Variants in TNXB observed in about 807,000 individuals in gnomAD.
TNXB encodes the protein tenascin XB.
In TNXB, 183 loss-of-function variants were observed where a neutral mutation model predicts 340.5. That is an observed-to-expected ratio of 0.54 (90% CI 0.48 to 0.61). TNXB has a LOEUF of 0.61. Ranked by LOEUF, TNXB falls within the 20% of genes least tolerant of loss-of-function variation. The pLI is 0.00. For missense variants in TNXB, 4,613 were observed against 5,446.4 expected, an observed-to-expected ratio of 0.85 and a Z score of 4.82; for synonymous variants, 2,121 against 2,314.5, an observed-to-expected ratio of 0.92 and a Z score of 2.40.
chr6:32,047,677 C>T lies in TNXB; in HGVS notation c.10324+57G>A. Reference sequence around the variant, plus strand: ...TCACGGGAAGGCTGCAGGGCCAGCTCTGAGGGCTCGGATGAGAGGCAGCTC... The same window carrying T: ...TCACGGGAAGGCTGCAGGGCCAGCTTTGAGGGCTCGGATGAGAGGCAGCTC... On this transcript the variant is annotated intron_variant, in intron 30 of 43. Transcript: ENST00000644971. The surrounding 1 kb of genome is among the most constrained non-coding windows in gnomAD (Gnocchi z 6.2). 1 of 1,525,590 alleles carries T rather than the reference C, an allele frequency of 6.6e-7. No individual in the cohort carries two copies. The highest frequency in any genetic ancestry group is 1.3e-5 in the South Asian group (1 of 76,656). The allele number at this position is 1,525,590 out of a possible 1,614,324, so 94.5% of individuals were successfully genotyped here.
intron 1 of TNXB, 133 bp from the exon 2 acceptor site, chr6:32,098,339 C>T: frequency 1.4e-6 from 1 of 711,008 alleles, no homozygotes; most frequent in Non-Finnish European, 2.1e-6. Flanking sequence ...TAAAAATTCA[C>T]ATTCCGCCCA....
intron 23 of TNXB, among the ~76,000 whole-genome samples, 186 bp from the exon 24 acceptor site, chr6:32,056,360 G>T (rs1221134121): frequency 6.6e-6 from 1 of 152,148 alleles, no homozygotes; most frequent in Non-Finnish European, 1.5e-5. Flanking sequence ...AGGGTCAGCT[G>T]TGGGGGACCT....
intron 6 of TNXB, among the ~76,000 whole-genome samples, chr6:32,088,107 C>T (rs994813773): frequency 2.0e-5 from 3 of 152,158 alleles, no homozygotes; most frequent in Non-Finnish European, 4.4e-5. Flanking sequence ...CTTCCCTGTG[C>T]CCCAGCCCCA....
chr6:32,108,252 C>T lies in TNXB; in HGVS notation c.-9+929G>A, dbSNP rs1279484795. On this transcript the variant is annotated intron_variant, in intron 1 of 43. Transcript: ENST00000644971. The surrounding 1 kb of genome is among the most constrained non-coding windows in gnomAD (Gnocchi z 4.8). The stretch of plus-strand genomic sequence containing the variant: ...GTTTCCGAGTTGCTTCCCAGTAGTT[C>T]CTCTCAGTTCCACTTCCAGTTGTTT... Among the ~76,000 whole-genome samples the T allele has an allele frequency of 6.6e-6, 1 of 152,128 alleles. No individual in the cohort carries two copies. Among genetic ancestry groups the T allele is most frequent in the Non-Finnish European group, 1.5e-5 (1 of 68,012 alleles).
chr6:32,046,414 G>A lies in TNXB; in HGVS notation c.10367C>T (p.Thr3456Ile). The A allele has an allele frequency of 6.3e-7, 1 of 1,580,058 alleles. No homozygotes were observed. Among genetic ancestry groups the A allele is most frequent in the Admixed American group, 1.7e-5 (1 of 59,508 alleles). ...AGAGCTGGAGGTCTCCTCAGCCACG[G>A]TCAGTTCCCCCAGGTGGGGAGGTAG... is the stretch of plus-strand genomic sequence containing the variant. ...KELPPHLGEL[T>I]VAEETSSSLR... is the part of the protein sequence containing the mutation. The change falls in exon 31 of 44, where the codon ACC (threonine) becomes ATC (isoleucine). Residue 3456 changes from threonine (T) to isoleucine (I), a missense_variant. Transcript: ENST00000644971. The surrounding 1 kb of genome is among the most constrained non-coding windows in gnomAD (Gnocchi z 6.9).
intron 1 of TNXB, among the ~76,000 whole-genome samples, chr6:32,106,905 C>G (rs1343616482): frequency 6.6e-6 from 1 of 152,252 alleles, no homozygotes; most frequent in African/African-American, 2.4e-5. Context: ...TGCTCATCCA[C>G]AAGTACAAAC....
Position 32,096,392 on chromosome 6 carries a change from G to A in TNXB, c.1461C>T (p.Tyr487=). Residue 487 remains tyrosine (Y), a synonymous_variant, in exon 3 of 44, where the codon TAC becomes TAT. Transcript: ENST00000644971. ...ESGRCMCWPG[Y]TGRDCGTRAC... is the part of the protein sequence containing the mutation. ...CGCGCGTGCCGCAGTCCCGGCCTGT[G>A]TACCCCGGCCAACACATGCAGCGGC... 1 of 1,573,628 alleles carries A rather than the reference G, an allele frequency of 6.4e-7. No individual in the cohort carries two copies. The highest frequency in any genetic ancestry group is 8.6e-7 in the Non-Finnish European group (1 of 1,167,432).
rs1044467622 is a variant in TNXB, at chr6:32,054,527, T to A, written c.8468-816A>T. On this transcript the variant is annotated intron_variant, in intron 24 of 43. Transcript: ENST00000644971. ...TGGCCTTTGCACTAGCTGTGATGAT[T>A]TGACATGCTTCACTTCCTCTCCAAA... 5.4e-4 allele frequency among the ~76,000 whole-genome samples: 83 copies of A among 152,326 alleles called. 1 individual carries two copies. Among genetic ancestry groups the A allele is most frequent in the African/African-American group, 2.0e-3 (83 of 41,568 alleles).
At chr6:32,065,244 A>C in intron 18 of TNXB, 127 bp from the exon 19 acceptor site, 2 of 856,954 alleles carry the variant, frequency 2.3e-6, no homozygotes, top group South Asian at 2.0e-5. Flanking sequence ...TCTGATTATA[A>C]TCATAATCAG....
rs757535646 is a variant in TNXB at position 32,084,532 on chromosome 6, T to C, written c.3326A>G (p.Glu1109Gly). ...RDGQPQVVPV[E>G]GPQRSAVITS... ...GATGACGGCCGAGCGCTGGGGTCCT[T>C]CCACGGGCACCACCTGGGGCTGCCC... Residue 1109 changes from glutamate to glycine, a missense_variant, in exon 8 of 44, where the codon GAA (glutamate) becomes GGA (glycine). This residue lies in a region of TNXB where 4,327 missense variants were observed against 4,859.4 expected (regional missense o/e 0.89). Transcript: ENST00000644971. This position sits in a 1 kb window ranked among gnomAD's most constrained non-coding sequence, Gnocchi z 5.5. 1.6e-5 allele frequency: 25 copies of C among 1,608,798 alleles called. 1 individual carries two copies. The highest frequency in any genetic ancestry group is 3.3e-4 in the Middle Eastern group (2 of 6,078).
Position 32,052,759 on chromosome 6 carries a change from C to A in TNXB, c.9026G>T (p.Gly3009Val). The change falls in exon 26 of 44, where the codon GGC becomes GTC. Residue 3009 changes from glycine (G) to valine (V), a missense_variant. Coordinates refer to ENST00000644971, the MANE Select transcript of TNXB (RefSeq NM_001365276.2). This position sits in a 1 kb window ranked among gnomAD's most constrained non-coding sequence, Gnocchi z 4.7. ...CTTGTATTTGCACCCGGGCTCCAGG[C>A]CCCCCACGGTGACCTCGCTCTCCTC... The part of the protein sequence containing the change: ...RGEESEVTVG[G>V]LEPGCKYKMH... 2 of 1,613,800 alleles carry A rather than the reference C, an allele frequency of 1.2e-6. No individual in the cohort carries two copies. Among genetic ancestry groups the A allele is most frequent in the Non-Finnish European group, 1.7e-6 (2 of 1,179,868 alleles).
intron 18 of TNXB, among the ~76,000 whole-genome samples, chr6:32,066,639 T>C (rs1778354165): frequency 6.6e-6 from 1 of 152,194 alleles, no homozygotes; most frequent in Non-Finnish European, 1.5e-5. Flanking sequence ...AGATTTCTTT[T>C]GGGGGTGATG....
At position 32,097,459 on chromosome 6, in the gene TNXB, G is replaced by A; in HGVS notation, c.404-10C>T. On this transcript the variant is annotated splice_polypyrimidine_tract_variant and intron_variant, in intron 2 of 43. Transcript: ENST00000644971. This position sits in a 1 kb window ranked among gnomAD's most constrained non-coding sequence, Gnocchi z 5.9. ...CGCACATCTGTCTGACCTGGAGTAG[G>A]AGGGGAGAGGCAAGTCTCAGTCTCT... The A allele has an allele frequency of 1.3e-6, 2 of 1,581,830 alleles. No homozygotes were observed. The highest frequency in any genetic ancestry group is 1.7e-6 in the Non-Finnish European group (2 of 1,166,614).
chr6:32,046,618 G>A lies in TNXB; in HGVS notation c.10325-162C>T. 1.7e-6 allele frequency: 1 copy of A among 575,482 alleles called. No individual in the cohort carries two copies. 35.6% of individuals were successfully genotyped at this position (575,482 alleles called of 1,614,324 possible). On this transcript the variant is annotated intron_variant, in intron 30 of 43. Transcript: ENST00000644971. The surrounding 1 kb of genome is among the most constrained non-coding windows in gnomAD (Gnocchi z 6.9). ...AGGCCTGCTCCCGCCATGCCCCACA[G>A]GAATGAGGGAGAACAGCCCCCTCCT...
rs1424192521 is a variant in TNXB, at chr6:32,085,136, G to C, written c.3149-427C>G. Among the ~76,000 whole-genome samples the C allele has an allele frequency of 6.6e-6, 1 of 152,098 alleles. No individual in the cohort carries two copies. Among genetic ancestry groups the C allele is most frequent in the Non-Finnish European group, 1.5e-5 (1 of 68,030 alleles). On this transcript the variant is annotated intron_variant, in intron 7 of 43. Transcript: ENST00000644971. This position sits in a 1 kb window ranked among gnomAD's most constrained non-coding sequence, Gnocchi z 6.4. ...GAGTCAGCCACCCTGGTCCCACAGAGAGGAACAAAGAGGGGATGTGAAAGC... is the reference window on the plus strand; with the variant it reads ...GAGTCAGCCACCCTGGTCCCACAGACAGGAACAAAGAGGGGATGTGAAAGC...
Position 32,097,244 on chromosome 6 carries a change from C to T in TNXB, c.609G>A (p.Val203=), listed in dbSNP as rs1233058655. The part of the protein sequence containing the change: ...DQGRCVRGRC[V]CFPGYTGPSC... ...TGGGGCCAGTGTAGCCGGGAAAGCA[C>T]ACGCAACGACCACGGACACAGCGAC... The change falls in exon 3 of 44, where the codon GTG becomes GTA. Residue 203 remains valine (V), a synonymous_variant. Transcript: ENST00000644971. This position sits in a 1 kb window ranked among gnomAD's most constrained non-coding sequence, Gnocchi z 5.9. 1.2e-6 allele frequency: 2 copies of T among 1,608,394 alleles called. No homozygotes were observed. Among genetic ancestry groups the T allele is most frequent in the South Asian group, 1.1e-5 (1 of 90,112 alleles).
Position 32,068,487 on chromosome 6 carries a change from G to C in TNXB, c.6123C>G (p.Thr2041=). Residue 2041 remains threonine (T), a synonymous_variant, in exon 17 of 44, where the codon ACC becomes ACG. Transcript: ENST00000644971. This position sits in a 1 kb window ranked among gnomAD's most constrained non-coding sequence, Gnocchi z 5.3. Reference sequence around the variant, plus strand: ...TATGGTCTGGCTCCAGGCCCGAGATGGTGACCCCTTCCTCGTGCCCTGGCA... The same window carrying C: ...TATGGTCTGGCTCCAGGCCCGAGATCGTGACCCCTTCCTCGTGCCCTGGCA... ...VRVPGHEEGV[T]ISGLEPDHKY... is the part of the protein sequence containing the mutation. 1 of 1,613,882 alleles carries C rather than the reference G, an allele frequency of 6.2e-7. No homozygotes were observed. The highest frequency in any genetic ancestry group is 8.5e-7 in the Non-Finnish European group (1 of 1,179,888).
Position 32,052,559 on chromosome 6 carries a change from G to C in TNXB, c.9115+111C>G. On this transcript the variant is annotated intron_variant, in intron 26 of 43. Transcript: ENST00000644971. The surrounding 1 kb of genome is among the most constrained non-coding windows in gnomAD (Gnocchi z 4.7). The stretch of plus-strand genomic sequence containing the variant: ...TTTTAACAAAAATCTCCAGGCATTT[G>C]GATACACAAAGGAAGGAATACTCTT... 7.7e-6 allele frequency: 11 copies of C among 1,422,020 alleles called. No homozygotes were observed. Among genetic ancestry groups the C allele is most frequent in the Non-Finnish European group, 1.0e-5 (11 of 1,058,756 alleles). 88.1% of individuals were successfully genotyped at this position (1,422,020 alleles called of 1,614,324 possible).
chr6:32,043,649 C>T, intron 35 of TNXB, 93 bp from the exon 36 acceptor site: 1 of 1,564,808 alleles, frequency 6.4e-7, no homozygotes, highest in South Asian at 1.1e-5. Context: ...GCAATCGGAG[C>T]CTCCACCACC....
Sources: gnomAD v4.1 joint callset for allele counts (sites outside exome capture counted in the v4.1 genomes callset) on GRCh38, gnomAD v4.1.1 for gene constraint, gnomAD v4.1.1 regional missense constraint, Gnocchi (gnomAD v3.1) non-coding constraint, MANE v1.5 for transcripts, NCBI Gene and HGNC (gene_info 2026-07-23, HGNC 2026-07-21) for gene names.